Variants in LAMB4 observed in about 807,000 individuals in gnomAD.
LAMB4 encodes the protein laminin subunit beta-4.
A neutral mutation model predicts 199.2 loss-of-function variants in LAMB4; 196 were observed. The observed-to-expected ratio is 0.98, with a 90% confidence interval of 0.88 to 1.11. The LOEUF (loss-of-function observed/expected upper bound fraction) is 1.11. Ranked by LOEUF, LAMB4 falls within the 50% of genes least tolerant of loss-of-function variation. The pLI is 0.00. For synonymous variants in LAMB4, 744 were observed against 770.6 expected, an observed-to-expected ratio of 0.97 and a Z score of 0.57; for missense variants, 2,080 against 2,171.2, an observed-to-expected ratio of 0.96 and a Z score of 0.83.
downstream of LAMB4, chr7:108,023,414 G>T (rs1012545936): frequency 6.6e-6 from 1 of 152,110 alleles, no homozygotes; most frequent in African/African-American, 2.4e-5. Flanking sequence ...ACATTTTAAA[G>T]CAAAAATGTC....
At chr7:108,025,415 TTC>T (rs796480309) in intron 33 of LAMB4, among the ~76,000 whole-genome samples, 1,260 of 119,810 alleles carry the variant, frequency 0.011, 60 homozygotes, top group African/African-American at 0.055. Context: ...CTTTCTTTCT[TTC>T]TTCTTTCTTT....
rs906717739 is a variant in LAMB4 at position 108,103,184 on chromosome 7, G to T, written c.1040C>A (p.Thr347Lys). The change falls in exon 10 of 34, where the codon ACG becomes AAG. Residue 347 changes from threonine (T) to lysine (K), a missense_variant. Physicochemically the swap from Thr to Lys is moderately conservative, Grantham distance 78. Coordinates refer to ENST00000388781, the MANE Select transcript of LAMB4 (RefSeq NM_007356.3). Reference sequence around the variant, plus strand: ...GCTGAGGCCACCGCTTGCCAGGTACGTAGTCATGTCAAAGTGACAGCGGCT... The same window carrying T: ...GCTGAGGCCACCGCTTGCCAGGTACTTAGTCATGTCAAAGTGACAGCGGCT... ...HSSRCHFDMT[T>K]YLASGGLSGG... 23 of 1,596,250 alleles carry T rather than the reference G, an allele frequency of 1.4e-5. No homozygotes were observed. Among genetic ancestry groups the T allele is most frequent in the Non-Finnish European group, 2.0e-5 (23 of 1,170,966 alleles).
intron 17 of LAMB4, among the ~76,000 whole-genome samples, chr7:108,070,636 T>C (rs377446642): frequency 6.6e-6 from 1 of 152,216 alleles, no homozygotes; most frequent in African/African-American, 2.4e-5. Flanking sequence ...TTCTTTTCTC[T>C]AGTTTACTTT....
intron 1 of LAMB4, among the ~76,000 whole-genome samples, chr7:108,127,871 G>A (rs2038849628): frequency 6.6e-6 from 1 of 152,186 alleles, no homozygotes; most frequent in Non-Finnish European, 1.5e-5. Flanking sequence ...ATTTTTGGCT[G>A]TCATAATGAG....
chr7:108,045,209 G>A (rs1005034291), intron 28 of LAMB4, among the ~76,000 whole-genome samples: 9 of 152,058 alleles, frequency 5.9e-5, no homozygotes, highest in Non-Finnish European at 1.3e-4. Context: ...ATGGATTGCA[G>A]TAAAATGAGA....
At chr7:108,078,987 C>T (rs1219382368) in intron 15 of LAMB4, among the ~76,000 whole-genome samples, 1 of 152,162 alleles carries the variant, frequency 6.6e-6, no homozygotes, top group East Asian at 1.9e-4. Flanking sequence ...AAGACCACAC[C>T]CCCCTCCAGC....
chr7:108,129,441 C>T (rs1310184752), intron 1 of LAMB4, among the ~76,000 whole-genome samples: 5 of 151,912 alleles, frequency 3.3e-5, no homozygotes, highest in Non-Finnish European at 7.4e-5. Context: ...CTTTGTCTAA[C>T]TTTTTTTCAT....
chr7:108,084,796 T>A (rs924301433), intron 14 of LAMB4, among the ~76,000 whole-genome samples: 1 of 148,074 alleles, frequency 6.8e-6, no homozygotes, highest in African/African-American at 2.5e-5. Context: ...TTTTTTTTTT[T>A]TTTTTTTTTT....
At position 108,109,152 on chromosome 7, in the gene LAMB4, C is replaced by T. The variant is rs530960908; in HGVS notation, c.402+19G>A. 6.1e-5 allele frequency: 96 copies of T among 1,564,588 alleles called. No homozygotes were observed. In the South Asian group the frequency reaches 9.7e-4, roughly 16 times the overall value. Reference sequence around the variant, plus strand: ...TAGGGAATAGATAAAAGAGGGGCAGCAGGCCTATTAGTCTGTACCTTAAAG... The same window carrying T: ...TAGGGAATAGATAAAAGAGGGGCAGTAGGCCTATTAGTCTGTACCTTAAAG... On this transcript the variant is annotated intron_variant, in intron 5 of 33. Transcript: ENST00000388781.
chr7:108,119,799 A>T (rs768813717), intron 2 of LAMB4, among the ~76,000 whole-genome samples: 1 of 152,190 alleles, frequency 6.6e-6, no homozygotes, highest in Non-Finnish European at 1.5e-5. Flanking sequence ...AGGCCTGTGA[A>T]TGACATCAGT....
chr7:108,091,928 G>T, intron 13 of LAMB4, 152 bp from the exon 14 acceptor site: 1 of 790,684 alleles, frequency 1.3e-6, no homozygotes, highest in Non-Finnish European at 2.0e-6. Context: ...AAGGCCATGG[G>T]TTTAACATAA....
chr7:108,064,532 T>C (rs1027538140), intron 21 of LAMB4, among the ~76,000 whole-genome samples: 4 of 152,190 alleles, frequency 2.6e-5, no homozygotes, highest in Admixed American at 6.5e-5. Context: ...TCTAACACTC[T>C]TTACCCTTGC....
chr7:108,092,554 G>T (rs188523470), intron 12 of LAMB4, 138 bp from the exon 13 acceptor site: 27 of 680,496 alleles, frequency 4.0e-5, no homozygotes, highest in African/African-American at 9.0e-5. Context: ...AACCTTCCTG[G>T]CCTATGCGCT....
chr7:108,052,726 C>T (rs930563568), intron 25 of LAMB4, among the ~76,000 whole-genome samples: 3 of 152,310 alleles, frequency 2.0e-5, no homozygotes, highest in African/African-American at 7.2e-5. Context: ...AACTTCTGTT[C>T]AGGGTCCCAA....
chr7:108,112,316 ATTT>A (rs148022175), intron 3 of LAMB4, among the ~76,000 whole-genome samples: 73 of 146,742 alleles, frequency 5.0e-4, no homozygotes, highest in Admixed American at 5.4e-4. Context: ...TTTGCTTAGG[ATTT>A]TTTTTTTTTT....
chr7:108,028,957 A>G (rs1228809086), intron 33 of LAMB4, 86 bp downstream of exon 33: 4 of 1,300,016 alleles, frequency 3.1e-6, no homozygotes, highest in Non-Finnish European at 4.3e-6. Context: ...TAAAACTGTA[A>G]GCTGACATTG....
At chr7:108,046,957 C>T (rs952228875) in intron 28 of LAMB4, among the ~76,000 whole-genome samples, 1 of 151,626 alleles carries the variant, frequency 6.6e-6, no homozygotes, top group African/African-American at 2.4e-5. Flanking sequence ...AGTAGAGATA[C>T]GGCCTCCCTG....
chr7:108,082,305 G>C (rs969288648), intron 14 of LAMB4, among the ~76,000 whole-genome samples: 5 of 148,022 alleles, frequency 3.4e-5, no homozygotes, highest in African/African-American at 1.3e-4. Flanking sequence ...ACTCCAGCCT[G>C]GGCGAAAGAG....
At chr7:108,075,101 C>A (rs934944157) in intron 17 of LAMB4, among the ~76,000 whole-genome samples, 3 of 152,140 alleles carry the variant, frequency 2.0e-5, no homozygotes, top group Non-Finnish European at 4.4e-5. Context: ...CCAAATTAAA[C>A]CTATCAGATT....
Sources: allele counts gnomAD v4.1 joint callset (sites outside exome capture counted in the v4.1 genomes callset), GRCh38; gene constraint gnomAD v4.1.1; transcripts MANE v1.5; gene names NCBI Gene and HGNC (gene_info 2026-07-23, HGNC 2026-07-21).